The following ARHGAP26 variants were observed in gnomAD, a reference collection of about 807,000 sequenced individuals.
ARHGAP26 encodes the protein Rho GTPase activating protein 26, also known as rho GTPase-activating protein 26.
In ARHGAP26, 38 loss-of-function variants were observed where a neutral mutation model predicts 104.8. The ratio of observed to expected loss-of-function variants is 0.36; its 90% CI spans 0.28 to 0.48. ARHGAP26 has a LOEUF of 0.48. Ranked by LOEUF, ARHGAP26 falls within the 20% of genes least tolerant of loss-of-function variation. The pLI, the probability that ARHGAP26 is intolerant of heterozygous loss-of-function variation, is 0.99. For missense variants in ARHGAP26, 704 were observed against 947.9 expected, an observed-to-expected ratio of 0.74 and a Z score of 3.38; for synonymous variants, 341 against 340.0, an observed-to-expected ratio of 1.00 and a Z score of -0.03.
intron 1 of ARHGAP26, among the ~76,000 whole-genome samples, chr5:142,828,751 G>C (rs1767805360): frequency 6.6e-6 from 1 of 152,152 alleles, no homozygotes; most frequent in Admixed American, 6.5e-5. Context: ...TCTATATTTT[G>C]AGGGGTTGGC....
Position 142,871,286 on chromosome 5 carries a change from A to G in ARHGAP26, c.155-2114A>G, listed in dbSNP as rs998101142. ...GGTGCCCCTGTGCAGAAGCCTCACA[A>G]AGGCCCCGTTGTGCATGACCAGCCA... On this transcript the variant is annotated intron_variant, in intron 1 of 22. Transcript: ENST00000645722. The surrounding 1 kb of genome is among the most constrained non-coding windows in gnomAD (Gnocchi z 4.1). Among the ~76,000 whole-genome samples, 1 of 152,086 alleles carries G rather than the reference A, an allele frequency of 6.6e-6. No homozygotes were observed. Among genetic ancestry groups the G allele is most frequent in the African/African-American group, 2.4e-5 (1 of 41,404 alleles).
At chr5:143,103,401 C>A in intron 17 of ARHGAP26, 1 of 190,800 alleles carries the variant, frequency 5.2e-6, no homozygotes, top group Non-Finnish European at 9.7e-6. Context: ...CTTCAAGGAT[C>A]CAGAGCTAGA....
At chr5:143,031,500 A>G (rs559513293) in intron 12 of ARHGAP26, among the ~76,000 whole-genome samples, 1 of 152,160 alleles carries the variant, frequency 6.6e-6, no homozygotes, top group South Asian at 2.1e-4. Context: ...ATAATTTGGA[A>G]TGGGAGGTAA....
chr5:143,155,329 G>A (rs904533539), intron 20 of ARHGAP26, among the ~76,000 whole-genome samples: 4 of 152,098 alleles, frequency 2.6e-5, no homozygotes, highest in African/African-American at 9.7e-5. Flanking sequence ...ACGTTTCCTT[G>A]ACATTTTCAG....
At chr5:143,002,525 C>T (rs1481670349) in intron 11 of ARHGAP26, among the ~76,000 whole-genome samples, 2 of 152,112 alleles carry the variant, frequency 1.3e-5, no homozygotes, top group Admixed American at 6.6e-5. Flanking sequence ...TTCACATCCA[C>T]TTTTTAATGT....
chr5:142,901,399 G>A (rs1760312707), intron 6 of ARHGAP26, among the ~76,000 whole-genome samples: 1 of 152,198 alleles, frequency 6.6e-6, no homozygotes, highest in African/African-American at 2.4e-5. Flanking sequence ...GGAAAGCACG[G>A]AAACACACTT....
chr5:142,918,610 T>C (rs1415623488), intron 10 of ARHGAP26, among the ~76,000 whole-genome samples: 1 of 152,210 alleles, frequency 6.6e-6, no homozygotes, highest in East Asian at 1.9e-4. Flanking sequence ...TCACATCTCC[T>C]CTAATTTCTT....
At position 142,890,154 on chromosome 5, in the gene ARHGAP26, ATATATAT is replaced by A. The variant is rs1562024032; in HGVS notation, c.487-4083_487-4077del. On this transcript the variant is annotated intron_variant, in intron 5 of 22. Coordinates refer to ENST00000645722, the MANE Select transcript of ARHGAP26 (RefSeq NM_001135608.3). ...TCCGTCTTAAAAAAAAAAAAAAAAT[ATATATAT>A]ATATATATATATATATATATATATA... Among the ~76,000 whole-genome samples, 74 of 46,208 alleles carry A rather than the reference ATATATAT, an allele frequency of 1.6e-3. 2 individuals are homozygous for A. Among genetic ancestry groups the A allele is most frequent in the African/African-American group, 4.9e-3 (48 of 9,842 alleles). 30.3% of individuals were successfully genotyped at this position (46,208 alleles called of 152,430 possible).
chr5:142,951,299 A>G (rs995312536), intron 11 of ARHGAP26, among the ~76,000 whole-genome samples: 2 of 152,150 alleles, frequency 1.3e-5, no homozygotes, highest in African/African-American at 4.8e-5. Context: ...ACCTCAAGTG[A>G]TCCGCCCGCC....
intron 19 of ARHGAP26, among the ~76,000 whole-genome samples, chr5:143,144,837 C>T (rs1325377799): frequency 6.6e-6 from 1 of 152,240 alleles, no homozygotes; most frequent in Non-Finnish European, 1.5e-5. Flanking sequence ...ATAATCCTCA[C>T]CTGCCTACTT....
Position 143,227,903 on chromosome 5 carries a change from AC to A in ARHGAP26, c.*5458del, listed in dbSNP as rs1472083241. On this transcript the variant is annotated 3_prime_UTR_variant, in exon 23 of 23. Coordinates refer to ENST00000645722, the MANE Select transcript of ARHGAP26 (RefSeq NM_001135608.3). ...GAAAAATTTCACAGCTAATATTTTT[AC>A]AAAAGTTGTGCCAGACATTACAGAG... The A allele has an allele frequency of 4.5e-6, 1 of 222,032 alleles. No homozygotes were observed. The highest frequency in any genetic ancestry group is 9.0e-6 in the Non-Finnish European group (1 of 111,148). The allele number at this position is 222,032 out of a possible 1,614,324, so 13.8% of individuals were successfully genotyped here. A position where few individuals can be genotyped will look rare whatever the true frequency, so the allele number is the denominator to read the frequency against.
At position 142,847,079 on chromosome 5, in the gene ARHGAP26, A is replaced by G. The variant is rs145500651; in HGVS notation, c.155-26321A>G. ...CAGCTCTGTTGCTTGCTCTCGGTGC[A>G]CCTTGGGCAAATCACTGTGCCTCTC... On this transcript the variant is annotated intron_variant, in intron 1 of 22. Transcript: ENST00000645722. Among the ~76,000 whole-genome samples, 596 of 152,102 alleles carry G rather than the reference A, an allele frequency of 3.9e-3. 12 individuals are homozygous for G. Among genetic ancestry groups the G allele is most frequent in the African/African-American group, 0.014 (564 of 41,486 alleles).
chr5:143,212,135 C>G (rs964231279), intron 21 of ARHGAP26, among the ~76,000 whole-genome samples: 1 of 152,140 alleles, frequency 6.6e-6, no homozygotes, highest in African/African-American at 2.4e-5. Flanking sequence ...TCCCTGGTCT[C>G]TTTGCTTTTT....
intron 11 of ARHGAP26, among the ~76,000 whole-genome samples, chr5:142,992,853 C>T (rs1017147070): frequency 2.2e-4 from 33 of 152,340 alleles, no homozygotes; most frequent in African/African-American, 4.6e-4. Flanking sequence ...TCGCCTGATG[C>T]GGACTGCTTA....
In ARHGAP26 at chr5:142,879,421, A is replaced by C. The variant is rs551013311; in HGVS notation, c.360A>C (p.Arg120=). 6.2e-7 allele frequency: 1 copy of C among 1,613,860 alleles called. No homozygotes were observed. Among genetic ancestry groups the C allele is most frequent in the Non-Finnish European group, 8.5e-7 (1 of 1,179,950 alleles). ...TCATCACTCCCTTGGAGAAGTTTCG[A>C]AAGGAACAGATCGGGGCTGCCAAGG... ...EVLITPLEKF[R]KEQIGAAKEA... Residue 120 remains arginine (R), a synonymous_variant, in exon 4 of 23, where the codon CGA becomes CGC. Transcript: ENST00000645722.
chr5:142,842,671 A>G (rs1771048394), intron 1 of ARHGAP26, among the ~76,000 whole-genome samples: 3 of 152,224 alleles, frequency 2.0e-5, no homozygotes, highest in African/African-American at 7.2e-5. Flanking sequence ...CTTGTCACCT[A>G]TCAGCCCTAT....
intron 6 of ARHGAP26, among the ~76,000 whole-genome samples, chr5:142,895,193 G>A (rs1269636511): frequency 3.9e-5 from 6 of 152,156 alleles, no homozygotes; most frequent in African/African-American, 1.4e-4. Flanking sequence ...GTACAAATAA[G>A]ATTCTCTACC....
At chr5:142,839,945 G>C (rs1487976962) in intron 1 of ARHGAP26, among the ~76,000 whole-genome samples, 1 of 151,920 alleles carries the variant, frequency 6.6e-6, no homozygotes. Flanking sequence ...CTAGCCTCTG[G>C]AGTTATGCGT....
chr5:143,148,831 C>T lies in ARHGAP26; in HGVS notation c.1988+1450C>T, dbSNP rs186097718. Among the ~76,000 whole-genome samples, 229 of 152,272 alleles carry T rather than the reference C, an allele frequency of 1.5e-3. 3 individuals carry two copies. Among genetic ancestry groups the T allele is most frequent in the African/African-American group, 5.3e-3 (221 of 41,544 alleles). ...AGTTGGTTTAATTTTCTGTACCTAG[C>T]AGTTGCTGAAGTGATTCCTTGCTCT... On this transcript the variant is annotated intron_variant, in intron 20 of 22. Coordinates refer to ENST00000645722, the MANE Select transcript of ARHGAP26 (RefSeq NM_001135608.3).
Sources: allele counts gnomAD v4.1 joint callset (sites outside exome capture counted in the v4.1 genomes callset), GRCh38; gene constraint gnomAD v4.1.1; non-coding constraint Gnocchi (gnomAD v3.1); transcripts MANE v1.5; gene names NCBI Gene and HGNC (gene_info 2026-07-23, HGNC 2026-07-21).